Variants in PARN observed in about 807,000 individuals in gnomAD.
The protein encoded by PARN is poly(A)-specific ribonuclease.
In PARN, 71 loss-of-function variants were observed where a neutral mutation model predicts 102.8. The observed-to-expected ratio is 0.69, with a 90% CI of 0.57 to 0.84. The LOEUF (loss-of-function observed/expected upper bound fraction) is 0.84. Ranked by LOEUF, PARN falls within the 40% of genes least tolerant of loss-of-function variation. The pLI is 0.00. For synonymous variants in PARN, 261 were observed against 252.9 expected (o/e 1.03, Z -0.30); for missense variants, 782 against 760.9 (o/e 1.03, Z -0.33).
At chr16:14,493,274 G>A (rs1964148614) in intron 21 of PARN, among the ~76,000 whole-genome samples, 1 of 152,138 alleles carries the variant, frequency 6.6e-6, no homozygotes, top group South Asian at 2.1e-4. Context: ...GGAGTGCAGT[G>A]GTGCAATCAC....
chr16:14,479,262 A>T (rs1009743960), intron 22 of PARN, among the ~76,000 whole-genome samples: 1 of 152,050 alleles, frequency 6.6e-6, no homozygotes. Flanking sequence ...CTACAAAAAA[A>T]TTTTTAAAAA....
intron 9 of PARN, 60 bp from the exon 10 acceptor site, chr16:14,606,586 A>G (rs1567442714): frequency 2.3e-6 from 2 of 870,268 alleles, no homozygotes; most frequent in Non-Finnish European, 1.8e-6. Flanking sequence ...ATCCCAAAGT[A>G]TTTTATAAGC....
intron 22 of PARN, among the ~76,000 whole-genome samples, chr16:14,472,375 T>TG (rs1962798522): frequency 6.6e-6 from 1 of 152,220 alleles, no homozygotes; most frequent in African/African-American, 2.4e-5. Flanking sequence ...AGTGTGCAGC[T>TG]GGTAAGGTGC....
intron 21 of PARN, among the ~76,000 whole-genome samples, chr16:14,544,085 G>C (rs1397063934): frequency 1.3e-5 from 2 of 152,154 alleles, no homozygotes; most frequent in South Asian, 2.1e-4. Context: ...CCAGCTACTT[G>C]GGAGGCAGAG....
rs1964738496 is a variant in PARN at position 14,503,719 on chromosome 16, C to T, written c.1481-20892G>A. Among the ~76,000 whole-genome samples, 3 of 152,204 alleles carry T rather than the reference C, an allele frequency of 2.0e-5. No homozygotes were observed. In the South Asian group the frequency reaches 6.2e-4, roughly 32 times the overall value. On this transcript the variant is annotated intron_variant, in intron 21 of 23. Transcript: ENST00000437198. ...TGCCTCAGGGTGGTAGCTATCATTT[C>T]CTGAGATTATATCACAGGTAGTACA...
intron 22 of PARN, among the ~76,000 whole-genome samples, chr16:14,476,757 G>A (rs998409162): frequency 1.3e-4 from 20 of 152,208 alleles, no homozygotes; most frequent in African/African-American, 4.3e-4. Flanking sequence ...TGTGAGCCAC[G>A]TGGGCCGGAT....
At chr16:14,603,367 G>A (rs1011972620) in intron 11 of PARN, among the ~76,000 whole-genome samples, 3 of 152,040 alleles carry the variant, frequency 2.0e-5, no homozygotes, top group African/African-American at 7.2e-5. Context: ...AGTCAATTAG[G>A]AGTGACCCTG....
intron 18 of PARN, among the ~76,000 whole-genome samples, chr16:14,575,238 C>T (rs898805074): frequency 6.6e-6 from 1 of 152,182 alleles, no homozygotes; most frequent in Non-Finnish European, 1.5e-5. Flanking sequence ...AGAAGAGGGC[C>T]ACTGTCCTTC....
Position 14,482,696 on chromosome 16 carries a change from G to C in PARN, c.1612C>G (p.Arg538Gly), listed in dbSNP as rs183781022. 2.5e-6 allele frequency: 4 copies of C among 1,613,682 alleles called. No individual in the cohort carries two copies. Among genetic ancestry groups the C allele is most frequent in the Non-Finnish European group, 1.7e-6 (2 of 1,179,780 alleles). Reference protein sequence around the residue: ...EDSWKEADSKRLNPQCIPYTL... With the variant: ...EDSWKEADSKGLNPQCIPYTL... ...TAGGGTATGCACTGGGGGTTTAACC[G>C]TTTGCTGTCAGCCTCCTTCCAGCTA... Residue 538 changes from arginine to glycine, a missense_variant, in exon 22 of 24, where the codon CGG (arginine) becomes GGG (glycine). Physicochemically the swap from Arg to Gly is moderately radical, Grantham distance 125 (BLOSUM62 -2). Transcript: ENST00000437198.
chr16:14,604,119 C>G, intron 11 of PARN, 27 bp downstream of exon 11: 1 of 1,381,126 alleles, frequency 7.2e-7, no homozygotes, highest in Admixed American at 1.8e-5. Flanking sequence ...ATTTCTCACC[C>G]CCCAAGAATT....
chr16:14,476,559 G>C (rs1023463545), intron 22 of PARN, among the ~76,000 whole-genome samples: 1 of 152,250 alleles, frequency 6.6e-6, no homozygotes, highest in Non-Finnish European at 1.5e-5. Context: ...GCTGGGCACA[G>C]TGGCTCGTGC....
In PARN at chr16:14,627,108, GACAA is replaced by G; in HGVS notation, c.321_324del (p.Cys108ArgfsTer8). On this transcript the variant is annotated frameshift_variant, in exon 5 of 24. Coordinates refer to ENST00000437198, the MANE Select transcript of PARN (RefSeq NM_002582.4). LOFTEE classifies it high-confidence loss of function. ...AAAATCTCAATTATGCTACTTACCT[GACAA>G]ACAAATTTGACATCTGGTGAGGATC... 6.4e-7 allele frequency: 1 copy of G among 1,574,622 alleles called. No homozygotes were observed. Among genetic ancestry groups the G allele is most frequent in the African/African-American group, 1.3e-5 (1 of 74,356 alleles).
Position 14,552,345 on chromosome 16 carries a change from C to T in PARN, c.1406-250G>A, listed in dbSNP as rs76430135. 2.9e-3 allele frequency among the ~76,000 whole-genome samples: 442 copies of T among 152,264 alleles called. 6 individuals carry two copies. The highest frequency in any genetic ancestry group is 0.016 in the East Asian group (82 of 5,184). ...AAAAGACGCTATTAGAAATTTAACA[C>T]AATAGAAAGATCCTTCCAGATTAAA... On this transcript the variant is annotated intron_variant, in intron 20 of 23. Coordinates refer to ENST00000437198, the MANE Select transcript of PARN (RefSeq NM_002582.4).
At chr16:14,440,332 A>G (rs1443874732) in intron 23 of PARN, among the ~76,000 whole-genome samples, 1 of 152,234 alleles carries the variant, frequency 6.6e-6, no homozygotes, top group Non-Finnish European at 1.5e-5. Context: ...ACAAACAAGC[A>G]AAAGGGGTGT....
At chr16:14,496,381 T>C (rs898867841) in intron 21 of PARN, among the ~76,000 whole-genome samples, 2 of 152,124 alleles carry the variant, frequency 1.3e-5, no homozygotes, top group Non-Finnish European at 2.9e-5. Context: ...TGGCATCAAG[T>C]AGAAGCAGAT....
chr16:14,484,309 G>A (rs985710506), intron 21 of PARN, among the ~76,000 whole-genome samples: 1 of 152,158 alleles, frequency 6.6e-6, no homozygotes, highest in African/African-American at 2.4e-5. Context: ...TGGGAGTGAG[G>A]ATCAATGGTG....
chr16:14,532,041 C>A (rs904843185), intron 21 of PARN, among the ~76,000 whole-genome samples: 1 of 151,896 alleles, frequency 6.6e-6, no homozygotes, highest in African/African-American at 2.4e-5. Flanking sequence ...CCAGCTTGAC[C>A]CTGTCAGAGT....
At chr16:14,453,274 T>G (rs1961544007) in intron 22 of PARN, among the ~76,000 whole-genome samples, 1 of 152,248 alleles carries the variant, frequency 6.6e-6, no homozygotes, top group Non-Finnish European at 1.5e-5. Flanking sequence ...GCTAAGTCGC[T>G]GTCAACTATC....
chr16:14,535,085 C>T (rs1245722432), intron 21 of PARN, among the ~76,000 whole-genome samples: 2 of 152,184 alleles, frequency 1.3e-5, no homozygotes, highest in Non-Finnish European at 2.9e-5. Flanking sequence ...CCGCTCGCCT[C>T]GGCCTCCCAA....
Sources: allele counts gnomAD v4.1 joint callset (sites outside exome capture counted in the v4.1 genomes callset), GRCh38; gene constraint gnomAD v4.1.1; transcripts MANE v1.5; gene names NCBI Gene and HGNC (gene_info 2026-07-23, HGNC 2026-07-21).